Variants in CEP128 observed in about 807,000 individuals in gnomAD.
CEP128 encodes the protein centrosomal protein 128.
A neutral mutation model predicts 156.7 loss-of-function variants in CEP128; 132 were observed. The observed-to-expected ratio is 0.84, with a 90% confidence interval of 0.73 to 0.97. The LOEUF is 0.97. Among genes scored for constraint, CEP128 ranks in the 50% least tolerant of loss-of-function variants. CEP128 has a pLI of 0.00. For missense variants in CEP128, 1,252 were observed against 1,281.9 expected, an observed-to-expected ratio of 0.98 and a Z score of 0.36; for synonymous variants, 469 against 448.9, an observed-to-expected ratio of 1.04 and a Z score of -0.57.
At chr14:80,478,921 C>T (rs938775510) in intron 14 of CEP128, among the ~76,000 whole-genome samples, 1 of 152,126 alleles carries the variant, frequency 6.6e-6, no homozygotes, top group Non-Finnish European at 1.5e-5. Flanking sequence ...TCAACAGCTT[C>T]TGTGATTTGT....
intron 21 of CEP128, among the ~76,000 whole-genome samples, chr14:80,541,057 C>T (rs1889734482): frequency 6.6e-6 from 1 of 152,108 alleles, no homozygotes; most frequent in Non-Finnish European, 1.5e-5. Context: ...TAAAAAAGAT[C>T]ATCAATAAGA....
At chr14:80,747,390 CATT>C (rs1899156157) in intron 18 of CEP128, among the ~76,000 whole-genome samples, 1 of 152,084 alleles carries the variant, frequency 6.6e-6, no homozygotes, top group East Asian at 1.9e-4. Flanking sequence ...AACGATGAAA[CATT>C]ATTTGGCCAT....
At chr14:80,725,576 A>C (rs1189079236) in intron 19 of CEP128, among the ~76,000 whole-genome samples, 1 of 152,112 alleles carries the variant, frequency 6.6e-6, no homozygotes, top group African/African-American at 2.4e-5. Context: ...TATCCCCAAC[A>C]AGAATGACCC....
At chr14:80,837,754 A>C (rs1045379302) in intron 11 of CEP128, among the ~76,000 whole-genome samples, 9 of 152,222 alleles carry the variant, frequency 5.9e-5, no homozygotes, top group Non-Finnish European at 8.8e-5. Context: ...TTTGGTTTAA[A>C]AGGGTCAAGT....
chr14:80,528,580 G>A (rs1013254887), intron 22 of CEP128, among the ~76,000 whole-genome samples: 44 of 152,144 alleles, frequency 2.9e-4, no homozygotes, highest in African/African-American at 9.4e-4. Flanking sequence ...GAGCCACTGC[G>A]CCCAGCCAAC....
intron 19 of CEP128, among the ~76,000 whole-genome samples, chr14:80,688,433 T>A (rs1896599883): frequency 6.6e-6 from 1 of 152,168 alleles, no homozygotes; most frequent in Non-Finnish European, 1.5e-5. Context: ...GCCTATTCCG[T>A]GTCCATGTAA....
At chr14:80,681,455 G>A (rs142395227) in intron 19 of CEP128, among the ~76,000 whole-genome samples, 159 of 152,300 alleles carry the variant, frequency 1.0e-3, no homozygotes, top group African/African-American at 3.6e-3. Context: ...GGCCAGACAT[G>A]GTGAGTGATA....
intron 9 of CEP128, among the ~76,000 whole-genome samples, chr14:80,849,460 T>A (rs1300484242): frequency 6.6e-6 from 1 of 152,140 alleles, no homozygotes; most frequent in Admixed American, 6.5e-5. Context: ...ATAATAAACA[T>A]AAAACTGTAA....
chr14:80,558,609 G>C (rs1223714988), intron 21 of CEP128, among the ~76,000 whole-genome samples: 4 of 151,646 alleles, frequency 2.6e-5, no homozygotes, highest in African/African-American at 9.7e-5. Flanking sequence ...TTTTAGTAGA[G>C]ACGGGGTTTT....
At chr14:80,548,141 TG>T (rs1890064261) in intron 21 of CEP128, among the ~76,000 whole-genome samples, 1 of 150,768 alleles carries the variant, frequency 6.6e-6, no homozygotes, top group African/African-American at 2.4e-5. Context: ...AGCCCAATCA[TG>T]AAAAAAAAAT....
chr14:80,832,995 C>A (rs574034903), intron 12 of CEP128, among the ~76,000 whole-genome samples: 3 of 152,200 alleles, frequency 2.0e-5, no homozygotes, highest in Admixed American at 1.3e-4. Flanking sequence ...CTAGACATTG[C>A]ATAAATGAAT....
chr14:80,567,128 T>C (rs1890948779), intron 20 of CEP128, among the ~76,000 whole-genome samples: 1 of 152,160 alleles, frequency 6.6e-6, no homozygotes, highest in Non-Finnish European at 1.5e-5. Flanking sequence ...TTTACTACTA[T>C]TGCCTTGACA....
chr14:80,738,623 A>G (rs898187685), intron 19 of CEP128, among the ~76,000 whole-genome samples: 4 of 152,208 alleles, frequency 2.6e-5, no homozygotes, highest in Non-Finnish European at 4.4e-5. Flanking sequence ...AGGTAAGTAC[A>G]GTATAATAAG....
chr14:80,487,274 A>G (rs1367116108), downstream of CEP128, among the ~76,000 whole-genome samples: 1 of 152,212 alleles, frequency 6.6e-6, no homozygotes. Flanking sequence ...CAAAAGAGAC[A>G]AAGAAAGCCA....
At chr14:80,583,938 GT>G (rs1329854236) in intron 19 of CEP128, among the ~76,000 whole-genome samples, 4 of 152,084 alleles carry the variant, frequency 2.6e-5, no homozygotes, top group African/African-American at 9.7e-5. Context: ...AATGCAAATG[GT>G]TTGGCTGAGA....
chr14:80,642,146 G>T (rs1894441461), intron 19 of CEP128, among the ~76,000 whole-genome samples: 1 of 150,432 alleles, frequency 6.6e-6, no homozygotes, highest in Admixed American at 6.6e-5. Flanking sequence ...ACAAACTGCT[G>T]TGATTCCATC....
At chr14:80,862,636 T>G in intron 9 of CEP128, 121 bp downstream of exon 9, 1 of 700,184 alleles carries the variant, frequency 1.4e-6, no homozygotes, top group Non-Finnish European at 2.5e-6. Flanking sequence ...ATAACCAATA[T>G]GTGATATTAA....
chr14:80,802,954 T>A (rs1244573215), intron 13 of CEP128, among the ~76,000 whole-genome samples: 1 of 152,210 alleles, frequency 6.6e-6, no homozygotes, highest in Non-Finnish European at 1.5e-5. Flanking sequence ...GGAGCTGGCT[T>A]ATCATACATA....
In CEP128 at chr14:80,936,083, C is replaced by T. The variant is rs1885791278; in HGVS notation, c.-16+3302G>A. On this transcript the variant is annotated intron_variant, in intron 2 of 24. Coordinates refer to ENST00000555265, the MANE Select transcript of CEP128 (RefSeq NM_152446.5). ...TGCTCCAGCACTTCAGAGCAGGAGA[C>T]AGAATCAAATGGACCAGTGCCTGGG... 3.3e-5 allele frequency among the ~76,000 whole-genome samples: 5 copies of T among 152,192 alleles called. No homozygotes were observed. In the South Asian group the frequency reaches 1.0e-3, roughly 32 times the overall value.
Sources: gnomAD v4.1 joint callset for allele counts (sites outside exome capture counted in the v4.1 genomes callset) on GRCh38, gnomAD v4.1.1 for gene constraint, MANE v1.5 for transcripts, NCBI Gene and HGNC (gene_info 2026-07-23, HGNC 2026-07-21) for gene names.